The following TMEM131L variants were observed in gnomAD, a reference collection of about 807,000 sequenced individuals.
TMEM131L encodes transmembrane 131 like.
In TMEM131L, 54 loss-of-function variants were observed where a neutral mutation model predicts 192.2. That is an observed-to-expected ratio of 0.28 (90% CI 0.23 to 0.35). TMEM131L has a LOEUF of 0.35. TMEM131L is among the 10% of genes least tolerant of loss of function. The pLI is 1.00. For synonymous variants in TMEM131L, 701 were observed against 704.9 expected (o/e 0.99, Z 0.09); for missense variants, 1,888 against 1,972.9 (o/e 0.96, Z 0.82).
At chr4:153,510,786 A>G (rs1734297586) in intron 3 of TMEM131L, among the ~76,000 whole-genome samples, 1 of 151,968 alleles carries the variant, frequency 6.6e-6, no homozygotes, top group Non-Finnish European at 1.5e-5. Context: ...GAGGGCACTG[A>G]AGTGTGGGAG....
At chr4:153,634,526 G>C (rs1279279813) in intron 33 of TMEM131L, among the ~76,000 whole-genome samples, 3 of 152,302 alleles carry the variant, frequency 2.0e-5, no homozygotes, top group South Asian at 4.1e-4. Context: ...AATCCATTTA[G>C]TCCTTCCAGT....
intron 7 of TMEM131L, among the ~76,000 whole-genome samples, chr4:153,563,321 T>C (rs1728964238): frequency 1.3e-5 from 2 of 152,190 alleles, no homozygotes; most frequent in South Asian, 4.1e-4. Context: ...TAAAAGATCG[T>C]TATGAGTTAT....
intron 15 of TMEM131L, among the ~76,000 whole-genome samples, chr4:153,588,327 TTAAAG>T (rs1467069755): frequency 6.8e-6 from 1 of 148,114 alleles, no homozygotes; most frequent in East Asian, 1.9e-4. Flanking sequence ...AGGGAGAGTT[TTAAAG>T]TATAGTTTTT....
chr4:153,474,918 C>T (rs1731421510), intron 3 of TMEM131L, among the ~76,000 whole-genome samples: 1 of 152,008 alleles, frequency 6.6e-6, no homozygotes, highest in Non-Finnish European at 1.5e-5. Flanking sequence ...AAACTGGGTC[C>T]CTTAGAGGTA....
intron 2 of TMEM131L, among the ~76,000 whole-genome samples, chr4:153,470,614 G>T (rs1036101926): frequency 2.0e-5 from 3 of 152,232 alleles, no homozygotes; most frequent in African/African-American, 7.2e-5. Context: ...ATGCAAAGTG[G>T]TGATGGTGTG....
intron 3 of TMEM131L, among the ~76,000 whole-genome samples, chr4:153,541,578 C>T (rs548617200): frequency 3.3e-5 from 5 of 152,148 alleles, no homozygotes; most frequent in South Asian, 2.1e-4. Context: ...GGGCCATCCA[C>T]GGGATGAGGC....
intron 25 of TMEM131L, among the ~76,000 whole-genome samples, chr4:153,608,109 G>A (rs1051196861): frequency 2.0e-5 from 3 of 151,884 alleles, no homozygotes; most frequent in Non-Finnish European, 2.9e-5. Context: ...CAATGAGTGA[G>A]ACCCTGTCTC....
At chr4:153,591,267 T>C (rs982966597) in intron 17 of TMEM131L, 73 bp downstream of exon 17, 3 of 1,400,160 alleles carry the variant, frequency 2.1e-6, no homozygotes, top group Non-Finnish European at 2.8e-6. Context: ...TACCAGATTG[T>C]GTCCACCTTT....
chr4:153,491,364 TCCA>T (rs1732768385), intron 3 of TMEM131L, among the ~76,000 whole-genome samples: 1 of 152,124 alleles, frequency 6.6e-6, no homozygotes, highest in Admixed American at 6.5e-5. Context: ...GCATTTTTTG[TCCA>T]CACACTTGCT....
At chr4:153,533,319 G>A (rs559299684) in intron 3 of TMEM131L, among the ~76,000 whole-genome samples, 221 of 152,190 alleles carry the variant, frequency 1.5e-3, no homozygotes, top group African/African-American at 4.9e-3. Flanking sequence ...CATTGGCCAC[G>A]TTCACCCCAT....
intron 21 of TMEM131L, among the ~76,000 whole-genome samples, chr4:153,599,711 A>G (rs1023001377): frequency 6.6e-6 from 1 of 152,136 alleles, no homozygotes; most frequent in African/African-American, 2.4e-5. Flanking sequence ...GATGATGAAA[A>G]TATTCTGTAT....
intron 3 of TMEM131L, among the ~76,000 whole-genome samples, chr4:153,516,625 T>C (rs1229248005): frequency 6.6e-6 from 1 of 152,130 alleles, no homozygotes; most frequent in Admixed American, 6.5e-5. Context: ...ATCATTTCTT[T>C]AGGATACATT....
At chr4:153,506,865 GAAAGA>G (rs1296342593) in intron 3 of TMEM131L, among the ~76,000 whole-genome samples, 1 of 145,738 alleles carries the variant, frequency 6.9e-6, no homozygotes, top group Admixed American at 6.9e-5. Flanking sequence ...AAAAAAAGAA[GAAAGA>G]AAAAAAGAGT....
chr4:153,611,253 G>A (rs1239614112), intron 25 of TMEM131L, among the ~76,000 whole-genome samples: 4 of 152,198 alleles, frequency 2.6e-5, no homozygotes, highest in Non-Finnish European at 5.9e-5. Flanking sequence ...CTTTACGTTT[G>A]TATCTGTTCT....
intron 3 of TMEM131L, among the ~76,000 whole-genome samples, chr4:153,491,497 A>G (rs1019313824): frequency 6.6e-6 from 1 of 152,088 alleles, no homozygotes; most frequent in Admixed American, 6.6e-5. Flanking sequence ...TTGCTCTGTA[A>G]TCATTCATAT....
At chr4:153,496,559 CTTGTT>C (rs894262002) in intron 3 of TMEM131L, among the ~76,000 whole-genome samples, 11 of 152,096 alleles carry the variant, frequency 7.2e-5, no homozygotes, top group Middle Eastern at 3.2e-3. Context: ...TTTATGAAGA[CTTGTT>C]TTGTTTTTGT....
intron 16 of TMEM131L, 88 bp downstream of exon 16, chr4:153,589,095 A>AC (rs550951090): frequency 1.5e-5 from 11 of 714,724 alleles, no homozygotes; most frequent in East Asian, 5.0e-5. Flanking sequence ...ACATTCTAAG[A>AC]CCCCCCTCTC....
intron 7 of TMEM131L, among the ~76,000 whole-genome samples, chr4:153,562,069 G>C (rs1362454903): frequency 6.9e-6 from 1 of 145,756 alleles, no homozygotes; most frequent in African/African-American, 2.6e-5. Flanking sequence ...GCAGAGTCTT[G>C]CTCTATTGCC....
At chr4:153,593,685 T>A (rs369190990) in intron 18 of TMEM131L, 114 bp from the exon 19 acceptor site, 8 of 693,922 alleles carry the variant, frequency 1.2e-5, no homozygotes, top group Admixed American at 6.1e-5. Context: ...TGTGTGTATG[T>A]GTGTGCAAAT....
Sources: gnomAD v4.1 joint callset for allele counts (sites outside exome capture counted in the v4.1 genomes callset) on GRCh38, gnomAD v4.1.1 for gene constraint, MANE v1.5 for transcripts, NCBI Gene and HGNC (gene_info 2026-07-23, HGNC 2026-07-21) for gene names.